Variants in PTPRR observed in about 807,000 individuals in gnomAD.
PTPRR encodes the protein protein tyrosine phosphatase receptor type R, also known as receptor-type tyrosine-protein phosphatase R.
In PTPRR, 38 loss-of-function variants were observed where a neutral mutation model predicts 77.2. The observed-to-expected ratio is 0.49, with a 90% CI of 0.38 to 0.65. PTPRR has a LOEUF of 0.65. PTPRR is among the 30% of genes least tolerant of loss of function. The pLI, the probability that PTPRR is intolerant of heterozygous loss-of-function variation, is 0.00. For synonymous variants in PTPRR, 299 were observed against 283.1 expected (o/e 1.06, Z -0.57); for missense variants, 744 against 799.2 (o/e 0.93, Z 0.83).
At chr12:70,832,177 T>C (rs1428554522) in intron 2 of PTPRR, among the ~76,000 whole-genome samples, 1 of 152,170 alleles carries the variant, frequency 6.6e-6, no homozygotes, top group African/African-American at 2.4e-5. Context: ...ACAAATGATT[T>C]TGTGAGCTTT....
At chr12:70,693,566 G>T (rs935979097) in intron 8 of PTPRR, among the ~76,000 whole-genome samples, 5 of 152,008 alleles carry the variant, frequency 3.3e-5, no homozygotes, top group African/African-American at 9.7e-5. Context: ...TATTGCCCAG[G>T]CTGGTCTCAA....
intron 6 of PTPRR, among the ~76,000 whole-genome samples, chr12:70,712,267 C>T (rs1423181317): frequency 2.6e-5 from 4 of 152,018 alleles, no homozygotes; most frequent in Admixed American, 2.6e-4. Context: ...TTGATTTGAT[C>T]ACCGTGATCA....
chr12:70,656,109 T>C (rs984647087), intron 13 of PTPRR, among the ~76,000 whole-genome samples: 2 of 151,834 alleles, frequency 1.3e-5, no homozygotes, highest in Non-Finnish European at 2.9e-5. Context: ...TCCCAGCTAC[T>C]TGGGGGGATG....
In PTPRR at chr12:70,816,212, A is replaced by G. The variant is rs883980; in HGVS notation, c.358-51434T>C. Among the ~76,000 whole-genome samples, 1,343 of 152,272 alleles carry G rather than the reference A, an allele frequency of 8.8e-3. 22 individuals are homozygous for G. The highest frequency in any genetic ancestry group is 0.03 in the African/African-American group (1,261 of 41,564). ...AAATGTAAGAGTCACACTGTGGTGC[A>G]CAAATATTTATAAACAAATATGAAA... On this transcript the variant is annotated intron_variant, in intron 2 of 13. Transcript: ENST00000283228.
intron 2 of PTPRR, among the ~76,000 whole-genome samples, chr12:70,765,914 A>G (rs1215833300): frequency 6.6e-6 from 1 of 152,234 alleles, no homozygotes; most frequent in Non-Finnish European, 1.5e-5. Context: ...GGTCTGGAGT[A>G]GACCTCTAGA....
intron 2 of PTPRR, among the ~76,000 whole-genome samples, chr12:70,822,195 G>T (rs1324303482): frequency 6.6e-6 from 1 of 152,140 alleles, no homozygotes; most frequent in Non-Finnish European, 1.5e-5. Context: ...AACCTAACAT[G>T]GAGAACAGAG....
intron 2 of PTPRR, among the ~76,000 whole-genome samples, chr12:70,874,110 C>T (rs922994890): frequency 6.6e-6 from 1 of 152,202 alleles, no homozygotes; most frequent in African/African-American, 2.4e-5. Context: ...TTCTGGAAGG[C>T]AACTTTTCTT....
At chr12:70,869,197 A>T (rs995995765) in intron 2 of PTPRR, among the ~76,000 whole-genome samples, 6 of 152,018 alleles carry the variant, frequency 3.9e-5, no homozygotes, top group East Asian at 1.9e-4. Flanking sequence ...TAATAAAATT[A>T]AAAAAAATAC....
At chr12:70,850,735 A>G (rs541313519) in intron 2 of PTPRR, among the ~76,000 whole-genome samples, 1 of 152,236 alleles carries the variant, frequency 6.6e-6, no homozygotes, top group Admixed American at 6.5e-5. Context: ...AAATTGATGT[A>G]CCTTTCACTC....
chr12:70,742,199 G>A (rs577246909), intron 6 of PTPRR, among the ~76,000 whole-genome samples: 1 of 152,230 alleles, frequency 6.6e-6, no homozygotes, highest in Non-Finnish European at 1.5e-5. Flanking sequence ...TCCTTAAAAC[G>A]TAGAGGAAAC....
chr12:70,663,458 CACTT>C (rs1886868612), intron 10 of PTPRR, among the ~76,000 whole-genome samples: 1 of 152,146 alleles, frequency 6.6e-6, no homozygotes, highest in Admixed American at 6.6e-5. Flanking sequence ...ATAGAGTAAG[CACTT>C]ACAACATGTT....
intron 2 of PTPRR, among the ~76,000 whole-genome samples, chr12:70,801,334 CTG>C (rs1375644768): frequency 1.3e-5 from 2 of 152,138 alleles, no homozygotes; most frequent in Non-Finnish European, 2.9e-5. Context: ...CTGGGTGTGA[CTG>C]TGAGGGTGTT....
intron 5 of PTPRR, among the ~76,000 whole-genome samples, chr12:70,747,734 C>T (rs933694692): frequency 3.3e-5 from 5 of 152,066 alleles, no homozygotes; most frequent in Admixed American, 6.6e-5. Context: ...CTGTGTGGTA[C>T]GTGTACAAAC....
chr12:70,791,212 T>C (rs1193432434), intron 2 of PTPRR, among the ~76,000 whole-genome samples: 1 of 152,198 alleles, frequency 6.6e-6, no homozygotes, highest in Admixed American at 6.5e-5. Flanking sequence ...TTGATCTCTC[T>C]AATAGCACCT....
At chr12:70,894,358 T>C (rs1318902844) in intron 1 of PTPRR, among the ~76,000 whole-genome samples, 3 of 151,760 alleles carry the variant, frequency 2.0e-5, no homozygotes, top group African/African-American at 7.2e-5. Context: ...TTCTCTTAGG[T>C]GAGAGACCCA....
At chr12:70,805,299 A>C (rs747067262) in intron 2 of PTPRR, among the ~76,000 whole-genome samples, 7 of 151,504 alleles carry the variant, frequency 4.6e-5, no homozygotes, top group Non-Finnish European at 1.0e-4. Context: ...TTTTTGAGGG[A>C]GTTTATGTAT....
At chr12:70,826,921 G>A (rs1892119321) in intron 2 of PTPRR, among the ~76,000 whole-genome samples, 2 of 152,140 alleles carry the variant, frequency 1.3e-5, no homozygotes, top group Non-Finnish European at 1.5e-5. Context: ...CTGTGAACAT[G>A]CCAAACCTGC....
intron 1 of PTPRR, among the ~76,000 whole-genome samples, chr12:70,901,539 G>T (rs749570952): frequency 1.3e-5 from 2 of 151,662 alleles, no homozygotes; most frequent in Non-Finnish European, 3.0e-5. Context: ...GTGGTGCTGG[G>T]ATCATTGGCT....
chr12:70,743,261 A>G (rs568251830), intron 6 of PTPRR, among the ~76,000 whole-genome samples: 1 of 152,310 alleles, frequency 6.6e-6, no homozygotes, highest in African/African-American at 2.4e-5. Flanking sequence ...TACTAGTGCT[A>G]GATGGGAAAT....
Sources: allele counts gnomAD v4.1 joint callset (sites outside exome capture counted in the v4.1 genomes callset), GRCh38; gene constraint gnomAD v4.1.1; transcripts MANE v1.5; gene names NCBI Gene and HGNC (gene_info 2026-07-23, HGNC 2026-07-21).